Variants in EIF4G3 observed in about 807,000 individuals in gnomAD.
EIF4G3 encodes eukaryotic translation initiation factor 4 gamma 3.
EIF4G3 carries 34 observed loss-of-function variants against 186.4 expected under a neutral mutation model. The ratio of observed to expected loss-of-function variants is 0.18; its 90% CI spans 0.14 to 0.24. The LOEUF is 0.24. Among genes scored for constraint, EIF4G3 ranks in the 10% least tolerant of loss-of-function variants. The pLI is 1.00. For missense variants in EIF4G3, 1,536 were observed against 1,948.5 expected (o/e 0.79, Z 3.99); for synonymous variants, 673 against 679.5 (o/e 0.99, Z 0.15).
At chr1:20,877,352 T>C (rs151261293) in intron 20 of EIF4G3, among the ~76,000 whole-genome samples, 3 of 152,348 alleles carry the variant, frequency 2.0e-5, no homozygotes, top group African/African-American at 7.2e-5. Flanking sequence ...TTGAGTTAAA[T>C]AATCCCTGAT....
chr1:20,962,609 A>C (rs569668587), intron 12 of EIF4G3, among the ~76,000 whole-genome samples: 7 of 152,268 alleles, frequency 4.6e-5, no homozygotes, highest in African/African-American at 1.7e-4. Context: ...TGCCAGCATC[A>C]CTGGTGGCAC....
In EIF4G3 at chr1:21,073,785, T is replaced by C. The variant is rs78400117; in HGVS notation, c.-196+15353A>G. ...CATGCTGGATCATTCTGAGTGCCTG[T>C]AGACAACGTCCCTGGAAGAGATATT... On this transcript the variant is annotated intron_variant, in intron 3 of 36. Transcript: ENST00000602326. 97 of 383,572 alleles carry C rather than the reference T, an allele frequency of 2.5e-4. No individual in the cohort carries two copies. The East Asian group carries it at 5.5e-3, about 22-fold the overall frequency. The allele number at this position is 383,572 out of a possible 1,614,324, so 23.8% of individuals were successfully genotyped here.
intron 36 of EIF4G3, 101 bp from the exon 37 acceptor site, chr1:20,807,601 T>C: frequency 3.7e-6 from 4 of 1,074,072 alleles, no homozygotes; most frequent in Non-Finnish European, 3.8e-6. Context: ...TGTGCATTAA[T>C]TCCCCCAGAA....
intron 10 of EIF4G3, among the ~76,000 whole-genome samples, chr1:20,974,252 T>C (rs1184040078): frequency 6.6e-6 from 1 of 152,074 alleles, no homozygotes; most frequent in Admixed American, 6.6e-5. Context: ...ATAAACAACA[T>C]TTAAACAAGA....
intron 28 of EIF4G3, 68 bp downstream of exon 28, chr1:20,851,190 G>T: frequency 6.9e-7 from 1 of 1,440,818 alleles, no homozygotes; most frequent in Non-Finnish European, 9.7e-7. Context: ...CTCAGGCACA[G>T]TCTCTTTTTT....
At chr1:21,012,799 C>T (rs1386720312) in intron 4 of EIF4G3, among the ~76,000 whole-genome samples, 1 of 152,080 alleles carries the variant, frequency 6.6e-6, no homozygotes, top group African/African-American at 2.4e-5. Flanking sequence ...CAAGAACCAC[C>T]ATAGGAACAT....
chr1:20,905,820 A>G (rs2091907744), intron 14 of EIF4G3, among the ~76,000 whole-genome samples: 1 of 152,194 alleles, frequency 6.6e-6, no homozygotes, highest in Admixed American at 6.5e-5. Context: ...AGAAGAGTTA[A>G]AGAAAGGCCA....
intron 14 of EIF4G3, among the ~76,000 whole-genome samples, chr1:20,918,701 CTTT>C (rs35704755): frequency 1.2e-3 from 116 of 94,872 alleles, no homozygotes; most frequent in Non-Finnish European, 1.6e-3. Context: ...CTCCTAGTAT[CTTT>C]TTTTTTTTTT....
At chr1:21,028,321 GA>G (rs1022816531) in intron 4 of EIF4G3, among the ~76,000 whole-genome samples, 1 of 151,526 alleles carries the variant, frequency 6.6e-6, no homozygotes, top group Non-Finnish European at 1.5e-5. Flanking sequence ...TTTAAATTGG[GA>G]AAAAAAAGAG....
chr1:21,145,412 A>G (rs941017492), intron 2 of EIF4G3, among the ~76,000 whole-genome samples: 22 of 152,040 alleles, frequency 1.4e-4, no homozygotes, highest in African/African-American at 4.8e-4. Flanking sequence ...ATACCTCTTA[A>G]AAGTGTCCAG....
chr1:21,176,132 G>C, intron 2 of EIF4G3, 43 bp downstream of exon 2: 1 of 350,168 alleles, frequency 2.9e-6, no homozygotes, highest in East Asian at 4.4e-5. Flanking sequence ...CCTGGACTGC[G>C]ACGACGAGAA....
intron 4 of EIF4G3, among the ~76,000 whole-genome samples, chr1:21,026,698 C>T (rs1406632865): frequency 2.0e-5 from 3 of 151,904 alleles, no homozygotes; most frequent in African/African-American, 7.3e-5. Flanking sequence ...GTTTGTAATC[C>T]CAGCACTTTG....
chr1:20,983,393 T>C (rs796142904), intron 7 of EIF4G3, among the ~76,000 whole-genome samples: 6 of 152,310 alleles, frequency 3.9e-5, no homozygotes, highest in African/African-American at 1.4e-4. Context: ...TTATCTCCAC[T>C]GACACAGTTT....
chr1:20,867,241 T>C (rs2077758933), intron 20 of EIF4G3, among the ~76,000 whole-genome samples: 1 of 152,156 alleles, frequency 6.6e-6, no homozygotes. Context: ...AAGCCACAGA[T>C]AAATAAGCTG....
chr1:21,049,783 T>C (rs1237950796), intron 4 of EIF4G3, among the ~76,000 whole-genome samples: 2 of 152,032 alleles, frequency 1.3e-5, no homozygotes, highest in Non-Finnish European at 2.9e-5. Context: ...CTCAGCTAAC[T>C]GGGAAGCTGA....
intron 29 of EIF4G3, 124 bp downstream of exon 29, chr1:20,849,291 G>C: frequency 2.1e-6 from 1 of 486,796 alleles, no homozygotes; most frequent in Non-Finnish European, 3.6e-6. Context: ...GAATTGTGTA[G>C]GACTTGTATT....
intron 2 of EIF4G3, among the ~76,000 whole-genome samples, chr1:21,129,471 C>T (rs903447123): frequency 6.6e-6 from 1 of 151,814 alleles, no homozygotes; most frequent in African/African-American, 2.4e-5. Context: ...TGAGCAAGAC[C>T]TTTACACATC....
chr1:20,827,830 G>A (rs2064011557), intron 31 of EIF4G3, 132 bp from the exon 32 acceptor site: 1 of 498,132 alleles, frequency 2.0e-6, no homozygotes, highest in Non-Finnish European at 3.6e-6. Flanking sequence ...AAAGCTCCAG[G>A]ACATGCTCTA....
intron 30 of EIF4G3, among the ~76,000 whole-genome samples, chr1:20,838,219 C>T (rs1434196442): frequency 4.6e-5 from 7 of 152,128 alleles, no homozygotes; most frequent in Non-Finnish European, 1.5e-5. Flanking sequence ...AAGCTAGTAT[C>T]TCACAAGTTC....
Sources: gnomAD v4.1 joint callset for allele counts (sites outside exome capture counted in the v4.1 genomes callset) on GRCh38, gnomAD v4.1.1 for gene constraint, MANE v1.5 for transcripts, NCBI Gene and HGNC (gene_info 2026-07-23, HGNC 2026-07-21) for gene names.